Variants in TGFBRAP1 observed in about 807,000 individuals in gnomAD.
TGFBRAP1 encodes transforming growth factor-beta receptor-associated protein 1.
In TGFBRAP1, 20 loss-of-function variants were observed where a neutral mutation model predicts 83.2. The observed-to-expected ratio is 0.24, with a 90% confidence interval of 0.17 to 0.35. The LOEUF (loss-of-function observed/expected upper bound fraction) is 0.35, where lower values mean the gene tolerates loss of function less well. TGFBRAP1 is among the 10% of genes least tolerant of loss of function. The pLI is 1.00. For synonymous variants in TGFBRAP1, 415 were observed against 459.8 expected, an observed-to-expected ratio of 0.90 and a Z score of 1.25; for missense variants, 950 against 1,099.4, an observed-to-expected ratio of 0.86 and a Z score of 1.92.
chr2:105,287,735 T>C (rs921680427), intron 4 of TGFBRAP1, among the ~76,000 whole-genome samples: 1 of 152,110 alleles, frequency 6.6e-6, no homozygotes, highest in Non-Finnish European at 1.5e-5. Context: ...AGTCTGTAAT[T>C]AGCACTCCTA....
intron 2 of TGFBRAP1, among the ~76,000 whole-genome samples, chr2:105,302,239 G>A (rs972039579): frequency 6.6e-6 from 1 of 152,252 alleles, no homozygotes; most frequent in Middle Eastern, 3.4e-3. Flanking sequence ...ACTTTCATAG[G>A]TTGCTGGGGA....
At chr2:105,290,616 A>AGTGT (rs3060065) in intron 4 of TGFBRAP1, among the ~76,000 whole-genome samples, 10,370 of 139,786 alleles carry the variant, frequency 0.074, 415 homozygotes, top group Middle Eastern at 0.1. Context: ...ACAGAGAGAC[A>AGTGT]GTGTGTGTGT....
At position 105,298,480 on chromosome 2, in the gene TGFBRAP1, A is replaced by T. The variant is rs760946587; in HGVS notation, c.883+31T>A. ...GAAATATCATAAAAGAGTTAAGTAA[A>T]TTTCACTAAGACTTCTATGTGAATG... On this transcript the variant is annotated intron_variant, in intron 3 of 11. Coordinates refer to ENST00000393359, the MANE Select transcript of TGFBRAP1 (RefSeq NM_004257.6). 4 of 1,538,194 alleles carry T rather than the reference A, an allele frequency of 2.6e-6. No individual in the cohort carries two copies. In the Admixed American group the frequency reaches 8.3e-5, roughly 32 times the overall value.
At chr2:105,323,054 G>A (rs1679114373) in intron 1 of TGFBRAP1, among the ~76,000 whole-genome samples, 1 of 152,192 alleles carries the variant, frequency 6.6e-6, no homozygotes, top group Admixed American at 6.5e-5. Flanking sequence ...TGGTGAGGAG[G>A]AAGGTGAAGG....
At chr2:105,252,426 C>A in the TGFBRAP1 span, among the ~76,000 whole-genome samples, 2 of 152,212 alleles carry the variant, frequency 1.3e-5, no homozygotes, top group African/African-American at 4.8e-5. Context: ...CAGTCTAGGC[C>A]ACTAGAAAGT....
chr2:105,257,122 C>T, the TGFBRAP1 span, among the ~76,000 whole-genome samples: 2 of 152,190 alleles, frequency 1.3e-5, no homozygotes, highest in Admixed American at 1.3e-4. Flanking sequence ...TATTCCTTTA[C>T]TTTCTTAATA....
intron 7 of TGFBRAP1, among the ~76,000 whole-genome samples, chr2:105,277,293 T>C (rs1263212801): frequency 6.6e-6 from 1 of 152,240 alleles, no homozygotes; most frequent in African/African-American, 2.4e-5. Context: ...CGACTATCAT[T>C]CACTGCCTAA....
intron 5 of TGFBRAP1, among the ~76,000 whole-genome samples, chr2:105,283,711 T>C (rs1427227694): frequency 6.6e-6 from 1 of 152,196 alleles, no homozygotes; most frequent in African/African-American, 2.4e-5. Flanking sequence ...GGCGTGCCTG[T>C]AAGGCAGGTG....
At chr2:105,282,074 A>G (rs1338370633) in intron 5 of TGFBRAP1, among the ~76,000 whole-genome samples, 1 of 152,218 alleles carries the variant, frequency 6.6e-6, no homozygotes, top group Non-Finnish European at 1.5e-5. Context: ...ATCCAGGACG[A>G]ATCCAGGGAA....
rs764601182 is a variant in TGFBRAP1 at position 105,269,594 on chromosome 2, G to A, written c.2084C>T (p.Ala695Val). The change falls in exon 11 of 12, where the codon GCG becomes GTG. Residue 695 changes from alanine to valine, a missense_variant. By Grantham distance (64) the Ala-to-Val change is moderately conservative. Transcript: ENST00000393359. The surrounding 1 kb of genome is among the most constrained non-coding windows in gnomAD (Gnocchi z 4.1). ...ILVHELQDFA[A>V]AEDYCLWCSE... ...GCACCACAGGCAGTAGTCCTCGGCC[G>A]CTGCAAAGTCCTGCAGCTCGTGCAC... is the stretch of plus-strand genomic sequence containing the variant. 26 of 1,609,420 alleles carry A rather than the reference G, an allele frequency of 1.6e-5. No homozygotes were observed. The highest frequency in any genetic ancestry group is 5.5e-5 in the South Asian group (5 of 90,674).
At chr2:105,263,441 C>T (rs1270766805), downstream of TGFBRAP1, among the ~76,000 whole-genome samples, 1 of 152,232 alleles carries the variant, frequency 6.6e-6, no homozygotes, top group African/African-American at 2.4e-5. Context: ...TCTAGCTTGG[C>T]ACCTCCTCCA....
chr2:105,253,815 C>A, the TGFBRAP1 span, among the ~76,000 whole-genome samples: 3 of 152,144 alleles, frequency 2.0e-5, no homozygotes, highest in South Asian at 6.2e-4. Context: ...AAACAAAAAC[C>A]AAACAACCAG....
chr2:105,273,815 T>G (rs1173151546), intron 8 of TGFBRAP1, 125 bp from the exon 9 acceptor site: 1 of 1,196,204 alleles, frequency 8.4e-7, no homozygotes, highest in African/African-American at 1.5e-5. Context: ...TAAATTATTA[T>G]GTATGCACAG....
intron 2 of TGFBRAP1, among the ~76,000 whole-genome samples, chr2:105,299,879 C>T (rs1443552461): frequency 6.6e-6 from 1 of 152,124 alleles, no homozygotes; most frequent in African/African-American, 2.4e-5. Flanking sequence ...CTCGAAGCCC[C>T]ACTTGGGAAC....
At chr2:105,290,375 C>A in intron 4 of TGFBRAP1, among the ~76,000 whole-genome samples, 1 of 152,076 alleles carries the variant, frequency 6.6e-6, no homozygotes, top group East Asian at 1.9e-4. Flanking sequence ...CCAGCAATTT[C>A]ATTTTCTATA....
intron 1 of TGFBRAP1, among the ~76,000 whole-genome samples, chr2:105,316,567 C>T (rs895891983): frequency 6.6e-6 from 1 of 151,824 alleles, no homozygotes; most frequent in African/African-American, 2.4e-5. Flanking sequence ...GTAATCCCAG[C>T]ACTTTGGGAG....
At chr2:105,260,391 A>G (rs1489493091), downstream of TGFBRAP1, among the ~76,000 whole-genome samples, 3 of 152,242 alleles carry the variant, frequency 2.0e-5, no homozygotes, top group East Asian at 5.8e-4. Flanking sequence ...CCTGGGTGAC[A>G]GAGTGAGATT....
chr2:105,250,209 G>T, the TGFBRAP1 span, among the ~76,000 whole-genome samples: 1 of 152,166 alleles, frequency 6.6e-6, no homozygotes, highest in Non-Finnish European at 1.5e-5. Context: ...ACACTTAGAT[G>T]AGACCAGAAC....
chr2:105,272,241 C>A (rs756422770), intron 10 of TGFBRAP1, among the ~76,000 whole-genome samples: 13 of 152,190 alleles, frequency 8.5e-5, no homozygotes, highest in Non-Finnish European at 1.8e-4. Context: ...CTCTGTACCC[C>A]TGAGGAACAG....
Sources: gnomAD v4.1 joint callset for allele counts (sites outside exome capture counted in the v4.1 genomes callset) on GRCh38, gnomAD v4.1.1 for gene constraint, Gnocchi (gnomAD v3.1) non-coding constraint, MANE v1.5 for transcripts, NCBI Gene and HGNC (gene_info 2026-07-23, HGNC 2026-07-21) for gene names.